Variants in TRAPPC6A observed in about 807,000 individuals in gnomAD.
TRAPPC6A encodes TRAPP complex subunit 6A.
A neutral mutation model predicts 20.8 loss-of-function variants in TRAPPC6A; 25 were observed. The observed-to-expected ratio is 1.20, with a 90% CI of 0.88 to 1.68. The LOEUF (loss-of-function observed/expected upper bound fraction) is 1.68. Ranked by LOEUF, TRAPPC6A falls within the 40% of genes most tolerant of loss-of-function variation. TRAPPC6A has a pLI of 0.00. For missense variants in TRAPPC6A, 215 were observed against 211.6 expected, an observed-to-expected ratio of 1.02 and a Z score of -0.10; for synonymous variants, 96 against 93.3, an observed-to-expected ratio of 1.03 and a Z score of -0.16.
At chr19:45,176,367 G>C (rs1056854921) in intron 1 of TRAPPC6A, among the ~76,000 whole-genome samples, 1 of 152,028 alleles carries the variant, frequency 6.6e-6, no homozygotes, top group East Asian at 1.9e-4. Flanking sequence ...AGGAGGCTGC[G>C]GCGGGAGAAT....
rs146867163 is a variant in TRAPPC6A, at chr19:45,163,949, C to T, written c.415G>A (p.Val139Met). 333 of 1,582,796 alleles carry T rather than the reference C, an allele frequency of 2.1e-4. 1 individual carries two copies. The highest frequency in any genetic ancestry group is 1.0e-3 in the South Asian group (86 of 86,238). The change falls in exon 5 of 6, where the codon GTG (valine) becomes ATG (methionine). Residue 139 changes from valine (V) to methionine (M), a missense_variant. Val to Met is a conservative substitution (Grantham distance 21, BLOSUM62 1). Transcript: ENST00000585934. This position sits in a 1 kb window ranked among gnomAD's most constrained non-coding sequence, Gnocchi z 5.3. The part of the protein sequence containing the change: ...GALYTLGIES[V>M]VTASVAALPV... ...AGGGCTGCCACGGAGGCGGTGACCA[C>T]GCTCTCAATGCCCAGGGTATAGAGG... is the stretch of plus-strand genomic sequence containing the variant.
intron 1 of TRAPPC6A, among the ~76,000 whole-genome samples, chr19:45,165,814 C>T (rs1969140014): frequency 6.6e-6 from 1 of 152,070 alleles, no homozygotes; most frequent in East Asian, 1.9e-4. Flanking sequence ...GGGGACTGTG[C>T]TGGCAGAGGC....
intron 1 of TRAPPC6A, among the ~76,000 whole-genome samples, chr19:45,176,249 CA>C (rs1273647342): frequency 6.7e-6 from 1 of 150,026 alleles, no homozygotes; most frequent in Admixed American, 6.7e-5. Flanking sequence ...GAGGTCAGAT[CA>C]AAACCATCCT....
Position 45,163,088 on chromosome 19 carries a change from G to GGGCCTGGGATTCCCAAGACC in TRAPPC6A, c.*84_*103dup. The stretch of plus-strand genomic sequence containing the variant: ...ACTTCCTGAGCAAATGTGACCCCTA[G>GGGCCTGGGATTCCCAAGACC]GGCCTGGGATTCCCAAGACCACCCC... On this transcript the variant is annotated 3_prime_UTR_variant, in exon 6 of 6. Transcript: ENST00000585934. This position sits in a 1 kb window ranked among gnomAD's most constrained non-coding sequence, Gnocchi z 5.3. The GGGCCTGGGATTCCCAAGACC allele has an allele frequency of 7.2e-7, 1 of 1,394,036 alleles. No individual in the cohort carries two copies. The highest frequency in any genetic ancestry group is 1.0e-6 in the Non-Finnish European group (1 of 998,270). 86.4% of individuals were successfully genotyped at this position (1,394,036 alleles called of 1,614,324 possible).
Position 45,164,223 on chromosome 19 carries a change from TG to T in TRAPPC6A, c.294del (p.Asn98LysfsTer58), listed in dbSNP as rs779746385. ...NHQGTYVLQD[N>X]SFPLLLPMAS... ...GCCATCGGGAGGAGGAGGGGGAAGC[TG>T]TTGTCTTGCAGGACGTAGGTCCCCT... On this transcript the variant is annotated frameshift_variant, in exon 4 of 6. Coordinates refer to ENST00000585934, the MANE Select transcript of TRAPPC6A (RefSeq NM_001270891.2). LOFTEE classifies it high-confidence loss of function. 2.5e-6 allele frequency: 4 copies of T among 1,608,536 alleles called. No individual in the cohort carries two copies. Among genetic ancestry groups the T allele is most frequent in the Admixed American group, 3.4e-5 (2 of 59,456 alleles).
intron 1 of TRAPPC6A, among the ~76,000 whole-genome samples, chr19:45,168,436 C>T (rs1222492934): frequency 6.6e-6 from 1 of 152,212 alleles, no homozygotes; most frequent in Non-Finnish European, 1.5e-5. Flanking sequence ...CTGGACAGAA[C>T]GCCATCCCAT....
In TRAPPC6A at chr19:45,163,958, T is replaced by C; in HGVS notation, c.406A>G (p.Ile136Val). The C allele has an allele frequency of 6.3e-7, 1 of 1,583,038 alleles. No individual in the cohort carries two copies. Among genetic ancestry groups the C allele is most frequent in the Non-Finnish European group, 8.6e-7 (1 of 1,165,120 alleles). Residue 136 changes from isoleucine to valine, a missense_variant, in exon 5 of 6, where the codon ATT becomes GTT. Ile to Val is a conservative substitution (Grantham distance 29). Transcript: ENST00000585934. This position sits in a 1 kb window ranked among gnomAD's most constrained non-coding sequence, Gnocchi z 5.3. ...ACGGAGGCGGTGACCACGCTCTCAA[T>C]GCCCAGGGTATAGAGGGCGCCGCGC... ...LLRGALYTLG[I>V]ESVVTASVAA...
rs573924113 is a variant in TRAPPC6A, at chr19:45,169,155, C to T, written c.85-3961G>A. ...GACAGAGTGGGAAGAGACCCCTGCC[C>T]GTGGGTCCTTCATGGCAGCACTACC... On this transcript the variant is annotated intron_variant, in intron 1 of 5. Transcript: ENST00000585934. Among the ~76,000 whole-genome samples, 184 of 152,276 alleles carry T rather than the reference C, an allele frequency of 1.2e-3. 1 individual carries two copies. The highest frequency in any genetic ancestry group is 2.2e-3 in the Non-Finnish European group (150 of 68,026).
At position 45,165,279 on chromosome 19, in the gene TRAPPC6A, A is replaced by G. The variant is rs12459817; in HGVS notation, c.85-85T>C. 4,666 of 1,320,542 alleles carry G rather than the reference A, an allele frequency of 3.5e-3. 97 individuals are homozygous for G. In the African/African-American group the frequency reaches 0.048, roughly 14 times the overall value. 81.8% of individuals were successfully genotyped at this position (1,320,542 alleles called of 1,614,324 possible). ...CAGGGGGGGACCTGCCAGGGGACCC[A>G]AAGACCAACTTGCTGGTGCTCGTCA... On this transcript the variant is annotated intron_variant, in intron 1 of 5. Transcript: ENST00000585934.
At chr19:45,165,311 G>C in intron 1 of TRAPPC6A, 117 bp from the exon 2 acceptor site, 1 of 988,514 alleles carries the variant, frequency 1.0e-6, no homozygotes, top group Non-Finnish European at 1.5e-6. Flanking sequence ...GTCAGTTCAG[G>C]GGTGAGCAGG....
chr19:45,165,058 C>A (rs1232230466), intron 2 of TRAPPC6A, 69 bp downstream of exon 2: 2 of 1,610,388 alleles, frequency 1.2e-6, no homozygotes, highest in Non-Finnish European at 1.7e-6. Context: ...AGCAATGCAA[C>A]CCTCCCCGCC....
Position 45,163,750 on chromosome 19 carries a change from C to T in TRAPPC6A, c.448+166G>A, listed in dbSNP as rs576097828. On this transcript the variant is annotated intron_variant, in intron 5 of 5. Transcript: ENST00000585934. This position sits in a 1 kb window ranked among gnomAD's most constrained non-coding sequence, Gnocchi z 5.3. ...ACAGTTCTCTCTGCAGGGCTGGCGACGTCACGGAGCCAGGGGCACAGATGG... is the reference window on the plus strand; with the variant it reads ...ACAGTTCTCTCTGCAGGGCTGGCGATGTCACGGAGCCAGGGGCACAGATGG... 3.9e-5 allele frequency among the ~76,000 whole-genome samples: 6 copies of T among 152,226 alleles called. No individual in the cohort carries two copies. The highest frequency in any genetic ancestry group is 6.5e-5 in the Admixed American group (1 of 15,300).
intron 1 of TRAPPC6A, among the ~76,000 whole-genome samples, chr19:45,177,188 C>CGT (rs771469444): frequency 8.9e-6 from 1 of 112,702 alleles, no homozygotes. Context: ...GATGCGCGTG[C>CGT]GCGCACACAC....
intron 2 of TRAPPC6A, 77 bp downstream of exon 2, chr19:45,165,050 C>T: frequency 6.2e-7 from 1 of 1,609,254 alleles, no homozygotes; most frequent in Non-Finnish European, 8.5e-7. Context: ...CTGCATGGAG[C>T]AATGCAACCC....
chr19:45,165,294 GGT>G (rs1969127816), intron 1 of TRAPPC6A, 100 bp from the exon 2 acceptor site: 2 of 1,162,088 alleles, frequency 1.7e-6, no homozygotes, highest in Non-Finnish European at 2.5e-6. Flanking sequence ...CCAACTTGCT[GGT>G]GCTCGTCAGT....
Position 45,178,143 on chromosome 19 carries a change from C to A in TRAPPC6A, c.76G>T (p.Gly26Cys). 6.2e-7 allele frequency: 1 copy of A among 1,613,226 alleles called. No homozygotes were observed. The change falls in exon 1 of 6, where the codon GGC (glycine) becomes TGC (cysteine). Residue 26 changes from glycine to cysteine, a missense_variant. By Grantham distance (159) the Gly-to-Cys change is radical. Transcript: ENST00000585934. ...AELWAHDPDP[G>C]PGGQKMSLSV... The stretch of plus-strand genomic sequence containing the variant: ...CGGAGCCCGGCGCTCACCCCCGGGC[C>A]GGGGTCGGGGTCGTGAGCCCACAGC...
chr19:45,171,959 CCT>C (rs1157073205), intron 1 of TRAPPC6A, among the ~76,000 whole-genome samples: 2 of 152,124 alleles, frequency 1.3e-5, no homozygotes, highest in Non-Finnish European at 2.9e-5. Flanking sequence ...TCAGGGGAAT[CCT>C]CTCTTTGCCC....
intron 1 of TRAPPC6A, among the ~76,000 whole-genome samples, chr19:45,166,311 A>G (rs1398902281): frequency 6.6e-6 from 1 of 151,480 alleles, no homozygotes; most frequent in African/African-American, 2.4e-5. Context: ...GGTTCAAACA[A>G]TTCTCCTGCC....
chr19:45,164,368 C>A, intron 3 of TRAPPC6A, 121 bp from the exon 4 acceptor site: 1 of 676,106 alleles, frequency 1.5e-6, no homozygotes, highest in Non-Finnish European at 2.5e-6. Flanking sequence ...TTCCTGAGAA[C>A]CACTGGAGTC....
Sources: allele counts gnomAD v4.1 joint callset (sites outside exome capture counted in the v4.1 genomes callset), GRCh38; gene constraint gnomAD v4.1.1; non-coding constraint Gnocchi (gnomAD v3.1); transcripts MANE v1.5; gene names NCBI Gene and HGNC (gene_info 2026-07-23, HGNC 2026-07-21).